TM2D3: variants seen among roughly 807,000 people sequenced by gnomAD.
TM2D3 encodes TM2 domain-containing protein 3.
A neutral mutation model predicts 27.3 loss-of-function variants in TM2D3; 33 were observed. That is an observed-to-expected ratio of 1.21 (90% confidence interval 0.92 to 1.61). The LOEUF (loss-of-function observed/expected upper bound fraction) is 1.61, where lower values mean the gene tolerates loss of function less well. TM2D3 is among the 40% of genes most tolerant of loss of function. The pLI, the probability that TM2D3 is intolerant of heterozygous loss-of-function variation, is 0.00. For missense variants in TM2D3, 364 were observed against 320.8 expected, an observed-to-expected ratio of 1.13 and a Z score of -1.03; for synonymous variants, 138 against 122.2, an observed-to-expected ratio of 1.13 and a Z score of -0.85.
downstream of TM2D3, among the ~76,000 whole-genome samples, chr15:101,638,761 G>A (rs1158608716): frequency 1.3e-5 from 2 of 152,092 alleles, no homozygotes; most frequent in Non-Finnish European, 2.9e-5. Flanking sequence ...TCATTTGTTT[G>A]CTGGTTTTGG....
intron 3 of TM2D3, 46 bp from the exon 4 acceptor site, chr15:101,646,945 C>CT (rs1567312922): frequency 6.2e-7 from 1 of 1,607,026 alleles, no homozygotes; most frequent in Non-Finnish European, 8.5e-7. Flanking sequence ...ATGGTGTAGT[C>CT]TGTTAAGATG....
At chr15:101,643,657 A>T (rs1164000771) in intron 5 of TM2D3, among the ~76,000 whole-genome samples, 1 of 148,118 alleles carries the variant, frequency 6.8e-6, no homozygotes, top group Non-Finnish European at 1.5e-5. Context: ...GAGTGCTGAG[A>T]AGTTTTAATT....
intron 4 of TM2D3, 82 bp from the exon 5 acceptor site, chr15:101,645,244 T>G: frequency 8.2e-7 from 1 of 1,213,392 alleles, no homozygotes; most frequent in Non-Finnish European, 1.2e-6. Flanking sequence ...GGGCTCAAAA[T>G]TTAAAATGTG....
intron 4 of TM2D3, chr15:101,636,365 G>A (rs531560993): frequency 6.6e-6 from 1 of 152,326 alleles, no homozygotes; most frequent in South Asian, 2.1e-4. Context: ...AGATGCTGGG[G>A]TCAAGGCAAA....
chr15:101,637,523 T>G (rs1246920271), downstream of TM2D3, among the ~76,000 whole-genome samples: 2 of 152,206 alleles, frequency 1.3e-5, no homozygotes, highest in Non-Finnish European at 2.9e-5. Flanking sequence ...CAGAGTCAGG[T>G]TGGAAAGTAA....
chr15:101,639,292 T>C (rs145402457), downstream of TM2D3, among the ~76,000 whole-genome samples: 905 of 152,168 alleles, frequency 5.9e-3, 7 homozygotes, highest in African/African-American at 0.02. Flanking sequence ...CTAACATTCA[T>C]GTGACACTTC....
chr15:101,647,015 A>G lies in TM2D3; in HGVS notation c.328-116T>C, dbSNP rs530620092. ...CCGTAAATGCTTGTATTTAGGACCT[A>G]GGAGTAAGTGCCAGAAAAACAGTTA... On this transcript the variant is annotated intron_variant, in intron 3 of 5. Coordinates refer to ENST00000333202, the MANE Select transcript of TM2D3 (RefSeq NM_078474.3). 36 of 1,067,236 alleles carry G rather than the reference A, an allele frequency of 3.4e-5. No homozygotes were observed. The African/African-American group carries it at 5.7e-4, about 17-fold the overall frequency. 66.1% of individuals were successfully genotyped at this position (1,067,236 alleles called of 1,614,324 possible).
At chr15:101,633,596 C>G in exon 5 of TM2D3, 2 of 1,220,506 alleles carry the variant, frequency 1.6e-6, no homozygotes, top group Non-Finnish European at 2.3e-6. Context: ...GGACGCTCAT[C>G]TGCAACAACA....
intron 3 of TM2D3, among the ~76,000 whole-genome samples, chr15:101,649,067 TA>T (rs1387963426): frequency 6.6e-6 from 1 of 152,218 alleles, no homozygotes; most frequent in African/African-American, 2.4e-5. Flanking sequence ...ATCTAAGGGT[TA>T]AAAATGTATT....
chr15:101,643,418 C>G (rs551790054), intron 5 of TM2D3, among the ~76,000 whole-genome samples: 1 of 151,676 alleles, frequency 6.6e-6, no homozygotes, highest in South Asian at 2.1e-4. Context: ...CTGGCTAACA[C>G]GGTGAAACCC....
chr15:101,633,992 T>C (rs1468303063), intron 4 of TM2D3: 1 of 339,040 alleles, frequency 2.9e-6, no homozygotes, highest in Non-Finnish European at 5.3e-6. Context: ...AAGTAGAAAA[T>C]AAATAGAAGA....
At chr15:101,646,446 T>G in intron 4 of TM2D3, 1 of 211,298 alleles carries the variant, frequency 4.7e-6, no homozygotes, top group Non-Finnish European at 1.0e-5. Context: ...TTGGTGCTGC[T>G]TTCATTGTTA....
intron 3 of TM2D3, among the ~76,000 whole-genome samples, chr15:101,648,042 C>T (rs906484034): frequency 3.3e-5 from 5 of 151,956 alleles, no homozygotes; most frequent in Non-Finnish European, 4.4e-5. Context: ...GGATTAGAGA[C>T]GCACCCCACC....
At chr15:101,633,774 C>T in intron 4 of TM2D3, 2 of 1,477,776 alleles carry the variant, frequency 1.4e-6, no homozygotes, top group South Asian at 1.2e-5. Context: ...ACAATTAGTT[C>T]TTATGACATA....
At chr15:101,649,601 G>A (rs947468119) in intron 3 of TM2D3, among the ~76,000 whole-genome samples, 6 of 152,172 alleles carry the variant, frequency 3.9e-5, no homozygotes, top group Admixed American at 1.3e-4. Context: ...GATAAGCACT[G>A]GCCCTTCAAA....
Position 101,652,273 on chromosome 15 carries a change from C to G in TM2D3, c.89G>C (p.Gly30Ala). Residue 30 changes from glycine (G) to alanine (A), a missense_variant and splice_region_variant, in exon 1 of 6, where the codon GGT becomes GCT. Physicochemically the swap from Gly to Ala is moderately conservative, Grantham distance 60. Coordinates refer to ENST00000333202, the MANE Select transcript of TM2D3 (RefSeq NM_078474.3). ...FLSQFCILSG[G>A]EQSQALAQSI... is the part of the protein sequence containing the mutation. The stretch of plus-strand genomic sequence containing the variant: ...GCTGAACCCAGCCTTTGACTCACCA[C>G]CGCCCGACAGAATGCAGAACTGCGA... 1 of 1,604,874 alleles carries G rather than the reference C, an allele frequency of 6.2e-7. No individual in the cohort carries two copies. The highest frequency in any genetic ancestry group is 8.5e-7 in the Non-Finnish European group (1 of 1,176,140).
downstream of TM2D3, among the ~76,000 whole-genome samples, chr15:101,641,294 GT>G (rs997556667): frequency 3.0e-5 from 3 of 98,676 alleles, no homozygotes; most frequent in Non-Finnish European, 7.7e-5. Flanking sequence ...AACAAAACCA[GT>G]TTTTTTTTCT....
chr15:101,635,796 T>G (rs531364966), intron 4 of TM2D3: 20 of 152,328 alleles, frequency 1.3e-4, no homozygotes, highest in African/African-American at 4.8e-4. Flanking sequence ...TTAAGTGTTC[T>G]ATAGTACAGA....
At chr15:101,641,422 A>G (rs1026990491), downstream of TM2D3, among the ~76,000 whole-genome samples, 1 of 152,236 alleles carries the variant, frequency 6.6e-6, no homozygotes, top group Non-Finnish European at 1.5e-5. Flanking sequence ...GCAAGTGATC[A>G]CTGAAACCTT....
Sources: gnomAD v4.1 joint callset for allele counts (sites outside exome capture counted in the v4.1 genomes callset) on GRCh38, gnomAD v4.1.1 for gene constraint, MANE v1.5 for transcripts, NCBI Gene and HGNC (gene_info 2026-07-23, HGNC 2026-07-21) for gene names.